The following NDST4 variants were observed in gnomAD, a reference collection of about 807,000 sequenced individuals.
NDST4 encodes the protein N-heparan sulfate sulfotransferase 4.
In NDST4, 63 loss-of-function variants were observed where a neutral mutation model predicts 100.8. The ratio of observed to expected loss-of-function variants is 0.62; its 90% CI spans 0.51 to 0.77. NDST4 has a LOEUF of 0.77. Among genes scored for constraint, NDST4 ranks in the 30% least tolerant of loss-of-function variants. The pLI is 0.00. For synonymous variants in NDST4, 377 were observed against 361.8 expected (o/e 1.04, Z -0.48); for missense variants, 943 against 1,018.4 (o/e 0.93, Z 1.01).
rs1727463441 is a variant in NDST4, at chr4:115,008,233, T to C, written c.979-30959A>G. On this transcript the variant is annotated intron_variant, in intron 2 of 13. Transcript: ENST00000264363. ...AAAGTTAATACTGTTATGTGTGAAT[T>C]TGATCCTGTCATTATGATGTTAGCT... is the stretch of plus-strand genomic sequence containing the variant. 1.5e-5 allele frequency among the ~76,000 whole-genome samples: 2 copies of C among 129,730 alleles called. 1 individual carries two copies. The highest frequency in any genetic ancestry group is 5.8e-5 in the African/African-American group (2 of 34,222). 85.1% of individuals were successfully genotyped at this position (129,730 alleles called of 152,430 possible).
At chr4:114,927,224 G>A (rs981287079) in intron 6 of NDST4, among the ~76,000 whole-genome samples, 2 of 150,100 alleles carry the variant, frequency 1.3e-5, no homozygotes, top group East Asian at 1.9e-4. Context: ...ATTTGTGTGT[G>A]TGTGTGTGTG....
At chr4:114,931,398 T>C (rs1014636072) in intron 6 of NDST4, among the ~76,000 whole-genome samples, 3 of 150,326 alleles carry the variant, frequency 2.0e-5, no homozygotes, top group Non-Finnish European at 4.4e-5. Context: ...AATGCTTACA[T>C]TAAGAAAAAA....
At chr4:114,954,768 C>T (rs961225722) in intron 4 of NDST4, among the ~76,000 whole-genome samples, 24 of 152,116 alleles carry the variant, frequency 1.6e-4, no homozygotes, top group Non-Finnish European at 3.1e-4. Context: ...GGAGATGAAG[C>T]CTGGTAGGAG....
intron 2 of NDST4, among the ~76,000 whole-genome samples, chr4:115,019,037 T>C (rs951736689): frequency 6.6e-6 from 1 of 152,030 alleles, no homozygotes; most frequent in Non-Finnish European, 1.5e-5. Context: ...ATATTTCTTC[T>C]TTTTATAATT....
chr4:115,088,321 T>TA (rs386357285), intron 1 of NDST4, among the ~76,000 whole-genome samples: 23,335 of 144,390 alleles, frequency 0.16, 2,120 homozygotes, highest in East Asian at 0.45. Context: ...CTAAAGTTAA[T>TA]TTTTTTTTTT....
chr4:114,969,778 T>C (rs1334223687), intron 4 of NDST4, among the ~76,000 whole-genome samples: 1 of 152,208 alleles, frequency 6.6e-6, no homozygotes, highest in African/African-American at 2.4e-5. Flanking sequence ...GTGATGAACA[T>C]GTGTGTGCGT....
chr4:114,881,630 A>G (rs1245039235), intron 6 of NDST4, among the ~76,000 whole-genome samples: 1 of 152,036 alleles, frequency 6.6e-6, no homozygotes, highest in Non-Finnish European at 1.5e-5. Flanking sequence ...GCAGTACACC[A>G]ATGAGAAGCC....
At chr4:114,993,627 T>G (rs1727097959) in intron 2 of NDST4, among the ~76,000 whole-genome samples, 1 of 151,972 alleles carries the variant, frequency 6.6e-6, no homozygotes, top group Admixed American at 6.6e-5. Flanking sequence ...TATCTTAGCC[T>G]CTGTTTTAAA....
At chr4:115,057,360 A>C (rs552755797) in intron 2 of NDST4, among the ~76,000 whole-genome samples, 1 of 151,856 alleles carries the variant, frequency 6.6e-6, no homozygotes, top group East Asian at 1.9e-4. Flanking sequence ...GAGAGAGAAA[A>C]GGAGAAAATG....
chr4:115,063,652 G>A (rs919598465), intron 2 of NDST4, among the ~76,000 whole-genome samples: 1 of 151,406 alleles, frequency 6.6e-6, no homozygotes, highest in African/African-American at 2.4e-5. Context: ...CCAATTAATT[G>A]TCAAATTAAT....
intron 2 of NDST4, among the ~76,000 whole-genome samples, chr4:115,073,391 T>C (rs368137673): frequency 6.6e-6 from 1 of 152,126 alleles, no homozygotes; most frequent in African/African-American, 2.4e-5. Context: ...TTATTTACAA[T>C]AGCCAAGATA....
intron 2 of NDST4, among the ~76,000 whole-genome samples, chr4:115,006,031 C>CAAAAAAAAAAAAA (rs33988343): frequency 2.0e-5 from 2 of 99,480 alleles, no homozygotes; most frequent in African/African-American, 7.6e-5. Flanking sequence ...GACTCTATCT[C>CAAAAAAAAAAAAA]AAAAAAAAAA....
intron 6 of NDST4, among the ~76,000 whole-genome samples, chr4:114,909,565 C>T (rs1725021057): frequency 2.0e-5 from 3 of 148,394 alleles, no homozygotes; most frequent in African/African-American, 7.6e-5. Context: ...GAGGCTGAGG[C>T]AGGAGAATGG....
At chr4:115,073,205 T>C in intron 2 of NDST4, among the ~76,000 whole-genome samples, 1 of 152,068 alleles carries the variant, frequency 6.6e-6, no homozygotes, top group East Asian at 1.9e-4. Context: ...GGAACCCTCA[T>C]GTACATGGGT....
intron 4 of NDST4, among the ~76,000 whole-genome samples, chr4:114,969,463 C>T (rs926616859): frequency 6.6e-6 from 1 of 151,844 alleles, no homozygotes; most frequent in African/African-American, 2.4e-5. Context: ...GTTTTTCCAT[C>T]CTCTCCCTCC....
At chr4:114,927,857 C>T (rs949793437) in intron 6 of NDST4, among the ~76,000 whole-genome samples, 32 of 152,274 alleles carry the variant, frequency 2.1e-4, no homozygotes, top group Middle Eastern at 3.4e-3. Context: ...TATCCTAACA[C>T]TACTGATCAC....
At chr4:115,037,186 A>C (rs189912616) in intron 2 of NDST4, among the ~76,000 whole-genome samples, 1 of 152,156 alleles carries the variant, frequency 6.6e-6, no homozygotes, top group Admixed American at 6.6e-5. Context: ...GAAAGAAAAA[A>C]AGATGGAGAA....
At chr4:115,015,983 G>A (rs184869190) in intron 2 of NDST4, among the ~76,000 whole-genome samples, 540 of 152,108 alleles carry the variant, frequency 3.6e-3, no homozygotes, top group Non-Finnish European at 6.3e-3. Context: ...TGTTCTTACT[G>A]AAATAGACAT....
chr4:115,044,872 C>T (rs151026948), intron 2 of NDST4, among the ~76,000 whole-genome samples: 15 of 151,368 alleles, frequency 9.9e-5, no homozygotes, highest in Admixed American at 7.3e-4. Flanking sequence ...TTAATAATCA[C>T]GGAAATTCAA....
Sources: gnomAD v4.1 joint callset for allele counts (sites outside exome capture counted in the v4.1 genomes callset) on GRCh38, gnomAD v4.1.1 for gene constraint, MANE v1.5 for transcripts, NCBI Gene and HGNC (gene_info 2026-07-23, HGNC 2026-07-21) for gene names.